ETNPPL: variants seen among roughly 807,000 people sequenced by gnomAD.
ETNPPL encodes ethanolamine-phosphate phospho-lyase, also known as alanine--glyoxylate aminotransferase 2-like 1.
A neutral mutation model predicts 55.5 loss-of-function variants in ETNPPL; 30 were observed. That is an observed-to-expected ratio of 0.54 (90% CI 0.40 to 0.73). The LOEUF (loss-of-function observed/expected upper bound fraction) is 0.73. Among genes scored for constraint, ETNPPL ranks in the 30% least tolerant of loss-of-function variants. The probability of loss-of-function intolerance (pLI) is 0.00; values close to 1 mark genes in which losing one functional copy is unlikely to be tolerated. For synonymous variants in ETNPPL, 202 were observed against 207.2 expected (o/e 0.98, Z 0.21); for missense variants, 528 against 607.9 (o/e 0.87, Z 1.38).
Position 108,762,824 on chromosome 4 carries a change from C to T in ETNPPL, c.56+19G>A, listed in dbSNP as rs748422050. 10 of 1,613,718 alleles carry T rather than the reference C, an allele frequency of 6.2e-6. No individual in the cohort carries two copies. The Admixed American group carries it at 6.7e-5, about 11-fold the overall frequency. ...ATTGCCCCCTCTCTGCACTTACTTC[C>T]GGGCCAGGGTGCCCTTACCCGATGT... is the stretch of plus-strand genomic sequence containing the variant. On this transcript the variant is annotated intron_variant, in intron 1 of 12. Transcript: ENST00000296486.
intron 5 of ETNPPL, among the ~76,000 whole-genome samples, chr4:108,753,792 G>GT (rs1729046011): frequency 9.8e-6 from 1 of 102,002 alleles, no homozygotes; most frequent in Non-Finnish European, 1.8e-5. Context: ...AAGAAAGAAA[G>GT]AAAGAAAGAA....
intron 12 of ETNPPL, among the ~76,000 whole-genome samples, chr4:108,743,329 TC>T (rs1024412504): frequency 1.1e-3 from 162 of 152,234 alleles, no homozygotes; most frequent in African/African-American, 3.9e-3. Flanking sequence ...GCCAGACAGT[TC>T]CCAGGCCCCA....
At chr4:108,748,420 A>T (rs1336788893) in intron 8 of ETNPPL, among the ~76,000 whole-genome samples, 2 of 152,192 alleles carry the variant, frequency 1.3e-5, no homozygotes, top group Non-Finnish European at 2.9e-5. Context: ...GCTCATCCAA[A>T]CAAAAGCAGA....
chr4:108,762,719 G>A, intron 1 of ETNPPL, 124 bp downstream of exon 1: 3 of 1,227,142 alleles, frequency 2.4e-6, no homozygotes, highest in African/African-American at 1.5e-5. Flanking sequence ...CGCGTGCACA[G>A]GCGCGGCGGG....
intron 11 of ETNPPL, among the ~76,000 whole-genome samples, chr4:108,745,975 A>G (rs889821215): frequency 6.6e-6 from 1 of 151,686 alleles, no homozygotes; most frequent in Non-Finnish European, 1.5e-5. Context: ...GCAATTCAGC[A>G]TATAGCAAAG....
chr4:108,762,406 A>C, intron 1 of ETNPPL: 1 of 515,202 alleles, frequency 1.9e-6, no homozygotes, highest in Non-Finnish European at 3.8e-6. Context: ...AATTGTCAGA[A>C]TTGGTTTGTT....
In ETNPPL at chr4:108,757,718, T is replaced by C. The variant is rs144361710; in HGVS notation, c.336-1226A>G. 4.2e-3 allele frequency among the ~76,000 whole-genome samples: 642 copies of C among 152,176 alleles called. 6 individuals carry two copies. Among genetic ancestry groups the C allele is most frequent in the African/African-American group, 0.015 (609 of 41,552 alleles). On this transcript the variant is annotated intron_variant, in intron 3 of 12. Coordinates refer to ENST00000296486, the MANE Select transcript of ETNPPL (RefSeq NM_031279.4). ...CTTTGGGAGGCTGAAGCGGGCAGAT[T>C]GCTTGAGCCCATGAGTTTGAGACCA...
chr4:108,762,281 C>A, intron 1 of ETNPPL: 1 of 447,466 alleles, frequency 2.2e-6, no homozygotes, highest in Non-Finnish European at 4.5e-6. Context: ...TAAGAGGGAT[C>A]TAAATAAAGT....
At position 108,757,299 on chromosome 4, in the gene ETNPPL, G is replaced by A. The variant is rs116224906; in HGVS notation, c.336-807C>T. Among the ~76,000 whole-genome samples the A allele has an allele frequency of 4.3e-3, 648 of 152,262 alleles. 6 individuals carry two copies. Among genetic ancestry groups the A allele is most frequent in the African/African-American group, 0.015 (611 of 41,560 alleles). On this transcript the variant is annotated intron_variant, in intron 3 of 12. Coordinates refer to ENST00000296486, the MANE Select transcript of ETNPPL (RefSeq NM_031279.4). Reference sequence around the variant, plus strand: ...ATAATAAGTGGAATGTTTACTATCCGTTAAACATCATGCTGAGGATTTTAC... The same window carrying A: ...ATAATAAGTGGAATGTTTACTATCCATTAAACATCATGCTGAGGATTTTAC...
rs1217033508 is a variant in ETNPPL at position 108,762,956 on chromosome 4, C to A, written c.-58G>T. ...AGGTGCAAGGTCTGCGCGCCTCCTA[C>A]GCGAGCCTGGGACTGCCTTGGCGGC... On this transcript the variant is annotated 5_prime_UTR_variant, in exon 1 of 13. Transcript: ENST00000296486. 3 of 1,560,462 alleles carry A rather than the reference C, an allele frequency of 1.9e-6. No individual in the cohort carries two copies. The highest frequency in any genetic ancestry group is 1.4e-5 in the African/African-American group (1 of 73,842).
At chr4:108,743,995 G>C (rs189452034) in intron 11 of ETNPPL, 139 bp from the exon 12 acceptor site, 6 of 630,146 alleles carry the variant, frequency 9.5e-6, no homozygotes, top group Middle Eastern at 4.2e-4. Flanking sequence ...GGGCGCTGTG[G>C]CTCATGCCTG....
At chr4:108,743,360 C>T (rs919861088) in intron 12 of ETNPPL, among the ~76,000 whole-genome samples, 2 of 152,176 alleles carry the variant, frequency 1.3e-5, no homozygotes, top group Admixed American at 1.3e-4. Flanking sequence ...GAAGCTTACG[C>T]TTTAGTTCGT....
chr4:108,759,595 G>T (rs538626124), intron 3 of ETNPPL, among the ~76,000 whole-genome samples, 154 bp downstream of exon 3: 1 of 152,022 alleles, frequency 6.6e-6, no homozygotes, highest in African/African-American at 2.4e-5. Context: ...AACCAGAAAG[G>T]CTAGGTCCCT....
chr4:108,754,286 T>C (rs1030226773), intron 5 of ETNPPL, among the ~76,000 whole-genome samples: 1 of 152,092 alleles, frequency 6.6e-6, no homozygotes, highest in African/African-American at 2.4e-5. Flanking sequence ...CCAAGAGCAA[T>C]TTAAAAACAC....
Position 108,747,124 on chromosome 4 carries a change from T to TTATA in ETNPPL, c.1083-277_1083-274dup, listed in dbSNP as rs373968611. Among the ~76,000 whole-genome samples, 70 of 44,974 alleles carry TTATA rather than the reference T, an allele frequency of 1.6e-3. 3 individuals are homozygous for TTATA. The highest frequency in any genetic ancestry group is 1.7e-3 in the Non-Finnish European group (40 of 23,228). The allele number at this position is 44,974 out of a possible 152,430, so 29.5% of individuals were successfully genotyped here. On this transcript the variant is annotated intron_variant, in intron 9 of 12. Transcript: ENST00000296486. ...ATGTTAATGATGATAAATGTTAACA[T>TTATA]TATATATATATATATATATATATAA...
intron 3 of ETNPPL, among the ~76,000 whole-genome samples, chr4:108,756,694 C>T (rs931587884): frequency 1.3e-5 from 2 of 149,060 alleles, no homozygotes; most frequent in Non-Finnish European, 2.9e-5. Context: ...GGCGCAGCAG[C>T]GTGCGCCTAT....
chr4:108,762,978 C>A lies in ETNPPL; in HGVS notation c.-80G>T. 1 of 1,364,718 alleles carries A rather than the reference C, an allele frequency of 7.3e-7. No individual in the cohort carries two copies. The highest frequency in any genetic ancestry group is 1.2e-5 in the South Asian group (1 of 83,860). The allele number at this position is 1,364,718 out of a possible 1,614,324, so 84.5% of individuals were successfully genotyped here. A position where few individuals can be genotyped will look rare whatever the true frequency, so the allele number is the denominator to read the frequency against. ...CTACGCGAGCCTGGGACTGCCTTGG[C>A]GGCCCCGGCCGGCCTTCCTCCCGTT... On this transcript the variant is annotated 5_prime_UTR_variant, in exon 1 of 13. Transcript: ENST00000296486.
intron 5 of ETNPPL, among the ~76,000 whole-genome samples, chr4:108,753,973 C>CTTTTTTTT (rs1213568977): frequency 3.7e-4 from 46 of 122,784 alleles, no homozygotes; most frequent in African/African-American, 8.9e-4. Flanking sequence ...TTTTTCTTTT[C>CTTTTTTTT]TTTTTTTTTT....
chr4:108,762,727 G>C, intron 1 of ETNPPL, 116 bp downstream of exon 1: 1 of 1,287,122 alleles, frequency 7.8e-7, no homozygotes, highest in Non-Finnish European at 1.1e-6. Context: ...CAGGCGCGGC[G>C]GGCACGGAGT....
Sources: gnomAD v4.1 joint callset for allele counts (sites outside exome capture counted in the v4.1 genomes callset) on GRCh38, gnomAD v4.1.1 for gene constraint, MANE v1.5 for transcripts, NCBI Gene and HGNC (gene_info 2026-07-23, HGNC 2026-07-21) for gene names.